The following COP1 variants were observed in gnomAD, a reference collection of about 807,000 sequenced individuals.
The protein encoded by COP1 is COP1 E3 ubiquitin ligase.
Under a neutral mutation model 101.3 loss-of-function variants are expected in COP1, and 24 were observed. The ratio of observed to expected loss-of-function variants is 0.24; its 90% CI spans 0.17 to 0.33. The LOEUF is 0.33. Ranked by LOEUF, COP1 falls within the 10% of genes least tolerant of loss-of-function variation. The pLI, the probability that COP1 is intolerant of heterozygous loss-of-function variation, is 1.00. For missense variants in COP1, 663 were observed against 906.2 expected (o/e 0.73, Z 3.45); for synonymous variants, 347 against 341.9 (o/e 1.01, Z -0.17).
intron 8 of COP1, among the ~76,000 whole-genome samples, chr1:176,128,483 G>C (rs1392183243): frequency 1.3e-5 from 2 of 151,838 alleles, no homozygotes; most frequent in African/African-American, 4.8e-5. Flanking sequence ...GCATGGTTTA[G>C]GGTCAGAATT....
chr1:176,105,860 G>A (rs1684213589), intron 9 of COP1, among the ~76,000 whole-genome samples: 1 of 152,110 alleles, frequency 6.6e-6, no homozygotes, highest in Admixed American at 6.5e-5. Context: ...CAAAATGTAT[G>A]CATCTAAGTG....
chr1:176,119,183 A>G (rs1686691899), intron 8 of COP1, among the ~76,000 whole-genome samples: 1 of 152,250 alleles, frequency 6.6e-6, no homozygotes, highest in Non-Finnish European at 1.5e-5. Context: ...CCATCCAGAG[A>G]CTAAGAGGAC....
chr1:175,953,290 CA>C (rs35502262), intron 18 of COP1, among the ~76,000 whole-genome samples: 2 of 150,416 alleles, frequency 1.3e-5, no homozygotes, highest in Admixed American at 6.6e-5. Flanking sequence ...TAAAAATACT[CA>C]AAAAAAAGAA....
chr1:175,979,169 A>G (rs1655241714), intron 18 of COP1, among the ~76,000 whole-genome samples: 2 of 152,118 alleles, frequency 1.3e-5, no homozygotes, highest in Non-Finnish European at 2.9e-5. Context: ...TTTTCAAAAT[A>G]CAGATCTATA....
intron 9 of COP1, among the ~76,000 whole-genome samples, chr1:176,087,922 G>A (rs1463242341): frequency 1.3e-5 from 2 of 152,146 alleles, no homozygotes; most frequent in Admixed American, 1.3e-4. Context: ...ATACTATGCA[G>A]CCATAAAAAA....
chr1:175,998,100 G>A (rs1440223026), intron 15 of COP1, among the ~76,000 whole-genome samples: 1 of 112,704 alleles, frequency 8.9e-6, no homozygotes. Flanking sequence ...AGAAAATGTG[G>A]CACATATACA....
intron 15 of COP1, among the ~76,000 whole-genome samples, chr1:176,026,620 T>A (rs1039352344): frequency 3.9e-5 from 6 of 152,154 alleles, no homozygotes; most frequent in Non-Finnish European, 5.9e-5. Context: ...GTCCATGTCC[T>A]CCTTAAACTG....
intron 7 of COP1, among the ~76,000 whole-genome samples, chr1:176,135,560 T>C (rs769356480): frequency 6.6e-6 from 1 of 152,054 alleles, no homozygotes; most frequent in African/African-American, 2.4e-5. Flanking sequence ...CTCTGCTTTA[T>C]ATATATTCTT....
intron 2 of COP1, among the ~76,000 whole-genome samples, chr1:176,182,020 T>C (rs1697855194): frequency 6.6e-6 from 1 of 152,178 alleles, no homozygotes; most frequent in African/African-American, 2.4e-5. Flanking sequence ...ATGAAGATTA[T>C]AAATTTATTG....
chr1:176,087,108 T>G (rs1490204566), intron 9 of COP1, among the ~76,000 whole-genome samples: 2 of 152,098 alleles, frequency 1.3e-5, no homozygotes, highest in Non-Finnish European at 1.5e-5. Context: ...AAAAATTAAT[T>G]TAAGATGGAT....
intron 11 of COP1, among the ~76,000 whole-genome samples, chr1:176,068,799 T>C (rs1165279095): frequency 6.6e-6 from 1 of 152,248 alleles, no homozygotes; most frequent in Non-Finnish European, 1.5e-5. Flanking sequence ...TACATTCTCT[T>C]ATTTTTCTTC....
At chr1:176,122,920 G>C (rs1028354145) in intron 8 of COP1, among the ~76,000 whole-genome samples, 2 of 152,118 alleles carry the variant, frequency 1.3e-5, no homozygotes, top group African/African-American at 2.4e-5. Flanking sequence ...AACTACTTCG[G>C]TTGGTAGAAT....
rs530877944 is a variant in COP1 at position 176,196,083 on chromosome 1, T to G, written c.407+10489A>C. Among the ~76,000 whole-genome samples, 270 of 152,310 alleles carry G rather than the reference T, an allele frequency of 1.8e-3. 2 individuals carry two copies. The highest frequency in any genetic ancestry group is 5.9e-3 in the African/African-American group (245 of 41,558). On this transcript the variant is annotated intron_variant, in intron 1 of 19. Coordinates refer to ENST00000367669, the MANE Select transcript of COP1 (RefSeq NM_022457.7). Reference sequence around the variant, plus strand: ...ATCACAAGGGAAATGAGAAGTATTATGAACTGATTGAAAATTTGAAGATAC... The same window carrying G: ...ATCACAAGGGAAATGAGAAGTATTAGGAACTGATTGAAAATTTGAAGATAC...
At chr1:175,991,867 T>C (rs1658579580) in intron 15 of COP1, among the ~76,000 whole-genome samples, 2 of 152,212 alleles carry the variant, frequency 1.3e-5, no homozygotes, top group Admixed American at 1.3e-4. Context: ...TGCATAGAGA[T>C]GTCATCTTCT....
chr1:175,970,457 T>A (rs1459528525), intron 18 of COP1, among the ~76,000 whole-genome samples: 1 of 152,170 alleles, frequency 6.6e-6, no homozygotes, highest in Non-Finnish European at 1.5e-5. Flanking sequence ...TGGATAGCAT[T>A]ATATTAGATT....
intron 15 of COP1, among the ~76,000 whole-genome samples, chr1:176,020,313 A>G (rs796574822): frequency 3.8e-4 from 47 of 124,724 alleles, no homozygotes; most frequent in South Asian, 1.2e-3. Context: ...TCCATCTCGG[A>G]AAAAAAAAAA....
In COP1 at chr1:175,966,280, T is replaced by TACAC. The variant is rs66711924; in HGVS notation, c.2134-19045_2134-19042dup. On this transcript the variant is annotated intron_variant, in intron 18 of 19. Transcript: ENST00000367669. ...TTAGCTGTCTGAATTGTGTTTGCAA[T>TACAC]ACACACACACACACACACACACACA... Among the ~76,000 whole-genome samples, 982 of 150,258 alleles carry TACAC rather than the reference T, an allele frequency of 6.5e-3. 9 individuals are homozygous for TACAC. The highest frequency in any genetic ancestry group is 0.021 in the African/African-American group (874 of 40,818).
In COP1 at chr1:176,154,269, T is replaced by C. The variant is rs984571209; in HGVS notation, c.763-5195A>G. 2.0e-5 allele frequency among the ~76,000 whole-genome samples: 3 copies of C among 152,140 alleles called. No individual in the cohort carries two copies. The East Asian group carries it at 5.8e-4, about 29-fold the overall frequency. On this transcript the variant is annotated intron_variant, in intron 5 of 19. Transcript: ENST00000367669. Reference sequence around the variant, plus strand: ...GATTCAATTTCTTCCTGGCTCAGTCTTGAAAGGGTGTATGTGACCAGGATA... The same window carrying C: ...GATTCAATTTCTTCCTGGCTCAGTCCTGAAAGGGTGTATGTGACCAGGATA...
intron 1 of COP1, 135 bp from the exon 2 acceptor site, chr1:176,184,827 T>C (rs987097239): frequency 5.4e-6 from 3 of 559,824 alleles, no homozygotes; most frequent in Non-Finnish European, 9.4e-6. Flanking sequence ...ATTCTATCAA[T>C]AAGAGATGAA....
Sources: allele counts gnomAD v4.1 joint callset (sites outside exome capture counted in the v4.1 genomes callset), GRCh38; gene constraint gnomAD v4.1.1; transcripts MANE v1.5; gene names NCBI Gene and HGNC (gene_info 2026-07-23, HGNC 2026-07-21).